MACF1: variants seen among roughly 807,000 people sequenced by gnomAD.
MACF1 encodes microtubule actin crosslinking factor 1.
In MACF1, 193 loss-of-function variants were observed where a neutral mutation model predicts 854.8. That is an observed-to-expected ratio of 0.23 (90% CI 0.20 to 0.25). The LOEUF is 0.25. Ranked by LOEUF, MACF1 falls within the 10% of genes least tolerant of loss-of-function variation. The pLI is 1.00. For synonymous variants in MACF1, 3,185 were observed against 3,226.7 expected (o/e 0.99, Z 0.44); for missense variants, 7,722 against 8,929.1 (o/e 0.86, Z 5.45).
chr1:39,189,018 G>A (rs927822651), intron 2 of MACF1, among the ~76,000 whole-genome samples: 6 of 152,202 alleles, frequency 3.9e-5, no homozygotes, highest in Non-Finnish European at 7.3e-5. Context: ...GATTATAGGC[G>A]TGAGCCATCA....
chr1:39,338,082 T>C (rs538140610), intron 38 of MACF1, among the ~76,000 whole-genome samples: 2 of 152,274 alleles, frequency 1.3e-5, no homozygotes, highest in South Asian at 4.1e-4. Flanking sequence ...CCAATTGTTA[T>C]CTGCGTGGTT....
Position 39,460,488 on chromosome 1 carries a change from AC to A in MACF1, c.21361-143del. The A allele has an allele frequency of 1.4e-6, 1 of 693,546 alleles. No individual in the cohort carries two copies. The highest frequency in any genetic ancestry group is 2.6e-5 in the East Asian group (1 of 37,834). The allele number at this position is 693,546 out of a possible 1,614,324, so 43.0% of individuals were successfully genotyped here. A position where few individuals can be genotyped will look rare whatever the true frequency, so the allele number is the denominator to read the frequency against. On this transcript the variant is annotated intron_variant, in intron 91 of 100. Coordinates refer to ENST00000564288, the MANE Select transcript of MACF1 (RefSeq NM_001394062.1). This position sits in a 1 kb window ranked among gnomAD's most constrained non-coding sequence, Gnocchi z 4.1. ...AGTGAAAGAGCCAGATTGTGCCTTC[AC>A]AAAAGAAGCAAACACATAGATTTCA...
intron 52 of MACF1, among the ~76,000 whole-genome samples, chr1:39,377,864 C>T (rs912284443): frequency 6.6e-6 from 1 of 151,854 alleles, no homozygotes; most frequent in African/African-American, 2.4e-5. Context: ...ATTAGCCGGG[C>T]CTGGTGGCAG....
chr1:39,136,382 G>A (rs1314600515), intron 2 of MACF1, among the ~76,000 whole-genome samples: 1 of 152,204 alleles, frequency 6.6e-6, no homozygotes, highest in African/African-American at 2.4e-5. Flanking sequence ...TGCTGGACAT[G>A]GGTGGAGGGT....
intron 69 of MACF1, among the ~76,000 whole-genome samples, chr1:39,435,332 G>A (rs1014229299): frequency 1.3e-5 from 2 of 152,146 alleles, no homozygotes; most frequent in Non-Finnish European, 2.9e-5. Context: ...AGGCTGCTAG[G>A]GTGATGAGAC....
chr1:39,483,057 A>G (rs1570246804), intron 99 of MACF1, among the ~76,000 whole-genome samples: 3 of 127,382 alleles, frequency 2.4e-5, no homozygotes, highest in Admixed American at 1.8e-4. Context: ...ACTGTGCTCC[A>G]GTCTGGGTGA....
chr1:39,375,205 T>C (rs866325842), intron 52 of MACF1, among the ~76,000 whole-genome samples: 6 of 152,198 alleles, frequency 3.9e-5, no homozygotes, highest in Non-Finnish European at 8.8e-5. Context: ...TTATCTGTTA[T>C]GAAATCCATC....
intron 51 of MACF1, 68 bp from the exon 52 acceptor site, chr1:39,372,406 TACAGA>T (rs1649329475): frequency 1.3e-6 from 1 of 799,194 alleles, no homozygotes; most frequent in African/African-American, 1.7e-5. Flanking sequence ...AGGGAGTATA[TACAGA>T]ACAGATGTCC....
intron 2 of MACF1, among the ~76,000 whole-genome samples, chr1:39,156,966 CTT>C (rs11287580): frequency 0.023 from 3,182 of 136,664 alleles, 95 homozygotes; most frequent in African/African-American, 0.07. Flanking sequence ...TTTCCATTAT[CTT>C]TTTTTTTTTT....
intron 58 of MACF1, chr1:39,412,545 T>G: frequency 6.2e-7 from 1 of 1,614,000 alleles, no homozygotes; most frequent in Non-Finnish European, 8.5e-7. Context: ...AGTCAGAGAT[T>G]CTGAGTCTGC....
At chr1:39,161,053 C>G (rs1401793896) in intron 2 of MACF1, among the ~76,000 whole-genome samples, 1 of 152,124 alleles carries the variant, frequency 6.6e-6, no homozygotes, top group African/African-American at 2.4e-5. Context: ...AAGTTCTGAT[C>G]CCCAAATTCC....
intron 2 of MACF1, among the ~76,000 whole-genome samples, chr1:39,177,322 G>A (rs1210992021): frequency 6.6e-6 from 1 of 152,178 alleles, no homozygotes; most frequent in African/African-American, 2.4e-5. Flanking sequence ...GAGTTTCTCC[G>A]TGTTGGTCAG....
chr1:39,459,186 G>A lies in MACF1; in HGVS notation c.21297G>A (p.Gln7099=). 2 of 1,614,142 alleles carry A rather than the reference G, an allele frequency of 1.2e-6. No individual in the cohort carries two copies. Among genetic ancestry groups the A allele is most frequent in the Non-Finnish European group, 1.7e-6 (2 of 1,180,008 alleles). Residue 7099 remains glutamine (Q), a synonymous_variant, in exon 91 of 101, where the codon CAG becomes CAA. Coordinates refer to ENST00000564288, the MANE Select transcript of MACF1 (RefSeq NM_001394062.1). Reference sequence around the variant, plus strand: ...ACCAGCTTTCTGCCCGCTGGCAGCAGGTGTGGCTGTTAGCACTGGAGCGGC... The same window carrying A: ...ACCAGCTTTCTGCCCGCTGGCAGCAAGTGTGGCTGTTAGCACTGGAGCGGC... ...RINQLSARWQ[Q]VWLLALERQR...
At chr1:39,106,260 C>G (rs1642233885) in intron 2 of MACF1, among the ~76,000 whole-genome samples, 2 of 152,030 alleles carry the variant, frequency 1.3e-5, no homozygotes, top group South Asian at 4.2e-4. Flanking sequence ...TTTTTGGTGG[C>G]GAGACCTTAC....
chr1:39,456,892 C>G (rs1327901676), intron 89 of MACF1: 3 of 152,446 alleles, frequency 2.0e-5, no homozygotes, highest in Admixed American at 2.0e-4. Context: ...GACATGTAAC[C>G]TAGCTGGCTC....
At chr1:39,477,559 T>C (rs931231237) in intron 97 of MACF1, among the ~76,000 whole-genome samples, 2 of 152,048 alleles carry the variant, frequency 1.3e-5, no homozygotes, top group Admixed American at 1.3e-4. Flanking sequence ...AGATAGAGGT[T>C]GTCAGTGACC....
chr1:39,342,347 C>T (rs1328092620), intron 40 of MACF1, among the ~76,000 whole-genome samples: 1 of 151,978 alleles, frequency 6.6e-6, no homozygotes, highest in Non-Finnish European at 1.5e-5. Flanking sequence ...GTGAATAGTG[C>T]TGTACTGAAC....
intron 2 of MACF1, among the ~76,000 whole-genome samples, chr1:39,121,738 G>A (rs1010876070): frequency 3.9e-5 from 6 of 152,160 alleles, no homozygotes; most frequent in South Asian, 2.1e-4. Context: ...GTGAGCCACC[G>A]CGCCAGGCCA....
At chr1:39,211,107 C>T (rs1312023685) in intron 1 of MACF1, among the ~76,000 whole-genome samples, 3 of 152,088 alleles carry the variant, frequency 2.0e-5, no homozygotes, top group African/African-American at 7.2e-5. Context: ...GCTGGGATTA[C>T]AGGTGTCTGC....
Sources: gnomAD v4.1 joint callset for allele counts (sites outside exome capture counted in the v4.1 genomes callset) on GRCh38, gnomAD v4.1.1 for gene constraint, Gnocchi (gnomAD v3.1) non-coding constraint, MANE v1.5 for transcripts, NCBI Gene and HGNC (gene_info 2026-07-23, HGNC 2026-07-21) for gene names.